Variants in TMEM108 observed in about 807,000 individuals in gnomAD.
TMEM108 encodes cancer/testis antigen 124.
In TMEM108, 12 loss-of-function variants were observed where a neutral mutation model predicts 35.1. The ratio of observed to expected loss-of-function variants is 0.34; its 90% CI spans 0.22 to 0.55. The LOEUF (loss-of-function observed/expected upper bound fraction) is 0.55. TMEM108 is among the 20% of genes least tolerant of loss of function. The pLI, the probability that TMEM108 is intolerant of heterozygous loss-of-function variation, is 0.89. For missense variants in TMEM108, 680 were observed against 753.3 expected (o/e 0.90, Z 1.14); for synonymous variants, 287 against 308.6 (o/e 0.93, Z 0.73).
At chr3:133,108,962 T>C (rs1944192895) in intron 2 of TMEM108, among the ~76,000 whole-genome samples, 1 of 152,106 alleles carries the variant, frequency 6.6e-6, no homozygotes, top group East Asian at 1.9e-4. Flanking sequence ...ATTGTGCACA[T>C]GTACCCTACA....
intron 2 of TMEM108, among the ~76,000 whole-genome samples, chr3:133,170,376 A>G (rs1167538970): frequency 2.0e-5 from 3 of 152,248 alleles, no homozygotes; most frequent in Non-Finnish European, 4.4e-5. Context: ...AAATTTTCTA[A>G]GATGCTACCT....
chr3:133,259,465 C>T (rs867605035), intron 3 of TMEM108, among the ~76,000 whole-genome samples: 9 of 152,140 alleles, frequency 5.9e-5, no homozygotes, highest in Non-Finnish European at 1.3e-4. Flanking sequence ...CGCATATTTA[C>T]GTAAGAGGTA....
At chr3:133,339,862 A>T (rs1310989890) in intron 3 of TMEM108, among the ~76,000 whole-genome samples, 1 of 151,892 alleles carries the variant, frequency 6.6e-6, no homozygotes, top group Non-Finnish European at 1.5e-5. Flanking sequence ...CAGTGGGTCA[A>T]TGAAGAAATC....
chr3:133,144,173 C>T (rs147969866), intron 2 of TMEM108, among the ~76,000 whole-genome samples: 4,254 of 152,006 alleles, frequency 0.028, 211 homozygotes, highest in African/African-American at 0.098. Context: ...CTCCCTGTGT[C>T]CATGTGTTCT....
chr3:133,043,081 A>G (rs1422701332), intron 1 of TMEM108, among the ~76,000 whole-genome samples: 1 of 152,226 alleles, frequency 6.6e-6, no homozygotes, highest in African/African-American at 2.4e-5. Context: ...TTTTCTGCAT[A>G]TGCTGTTTCC....
intron 2 of TMEM108, among the ~76,000 whole-genome samples, chr3:133,193,694 C>T (rs1383026226): frequency 6.6e-6 from 1 of 152,164 alleles, no homozygotes; most frequent in Non-Finnish European, 1.5e-5. Flanking sequence ...ACAATTCCAA[C>T]ATAGTACCCA....
intron 2 of TMEM108, among the ~76,000 whole-genome samples, chr3:133,120,630 T>C (rs1229428500): frequency 1.3e-5 from 2 of 152,176 alleles, no homozygotes; most frequent in African/African-American, 4.8e-5. Context: ...TTTGTTATAC[T>C]TCTGTCACAT....
intron 3 of TMEM108, among the ~76,000 whole-genome samples, chr3:133,251,252 AAAAC>A (rs1946465599): frequency 6.6e-6 from 1 of 152,208 alleles, no homozygotes; most frequent in Non-Finnish European, 1.5e-5. Context: ...AAAGTCAATT[AAAAC>A]AAACAAAATT....
At chr3:133,323,765 A>G (rs1237877728) in intron 3 of TMEM108, among the ~76,000 whole-genome samples, 1 of 152,200 alleles carries the variant, frequency 6.6e-6, no homozygotes, top group Non-Finnish European at 1.5e-5. Flanking sequence ...ACATTACCTG[A>G]CTTCAAACTA....
At chr3:133,345,609 A>G (rs539975082) in intron 3 of TMEM108, among the ~76,000 whole-genome samples, 14 of 151,962 alleles carry the variant, frequency 9.2e-5, no homozygotes, top group Non-Finnish European at 1.8e-4. Context: ...ATTATTATTC[A>G]AAGGAACATT....
chr3:133,043,568 C>A (rs968300642), intron 1 of TMEM108, among the ~76,000 whole-genome samples: 1 of 152,110 alleles, frequency 6.6e-6, no homozygotes, highest in Non-Finnish European at 1.5e-5. Context: ...AAAACACTTT[C>A]AAATTCATGT....
rs551468388 is a variant in TMEM108, at chr3:133,076,917, T to C, written c.-47+30897T>C. Among the ~76,000 whole-genome samples, 9 of 152,338 alleles carry C rather than the reference T, an allele frequency of 5.9e-5. No homozygotes were observed. The South Asian group carries it at 1.9e-3, about 32-fold the overall frequency. On this transcript the variant is annotated intron_variant, in intron 2 of 5. Transcript: ENST00000321871. ...GCCAACGAAAGGAAGAGAAATCAAG[T>C]GCAAGGCCAAGAAATCAGAATTCAG... is the stretch of plus-strand genomic sequence containing the variant.
At chr3:133,143,537 C>G (rs982420367) in intron 2 of TMEM108, among the ~76,000 whole-genome samples, 5 of 152,166 alleles carry the variant, frequency 3.3e-5, no homozygotes, top group Non-Finnish European at 7.4e-5. Context: ...TTGCATTAAT[C>G]TTTTCATTCC....
intron 2 of TMEM108, among the ~76,000 whole-genome samples, chr3:133,168,224 C>CA: frequency 6.6e-6 from 1 of 152,118 alleles, no homozygotes; most frequent in South Asian, 2.1e-4. Context: ...GTTGTGGGGG[C>CA]AAGTAGGATT....
chr3:133,237,414 A>C (rs1946254535), intron 3 of TMEM108, among the ~76,000 whole-genome samples: 1 of 152,062 alleles, frequency 6.6e-6, no homozygotes, highest in Admixed American at 6.5e-5. Context: ...TTTCTGGACC[A>C]TTTTAATAGT....
chr3:133,061,483 G>T (rs538870287), intron 2 of TMEM108, among the ~76,000 whole-genome samples: 1 of 152,012 alleles, frequency 6.6e-6, no homozygotes, highest in Non-Finnish European at 1.5e-5. Flanking sequence ...AAAGTGCTGG[G>T]ATTACAGGCA....
chr3:133,279,421 C>T (rs964842210), intron 3 of TMEM108, among the ~76,000 whole-genome samples: 7 of 152,210 alleles, frequency 4.6e-5, no homozygotes, highest in East Asian at 1.9e-4. Flanking sequence ...ACAGCCTGTC[C>T]GGTCTCCCTT....
intron 3 of TMEM108, among the ~76,000 whole-genome samples, chr3:133,233,964 T>C (rs1385285398): frequency 2.0e-4 from 29 of 144,266 alleles, no homozygotes; most frequent in African/African-American, 5.8e-4. Context: ...GAGTAGGTTG[T>C]GAAAATTTTC....
intron 3 of TMEM108, among the ~76,000 whole-genome samples, chr3:133,309,866 A>G (rs2071100409): frequency 3.3e-5 from 5 of 151,582 alleles, no homozygotes; most frequent in Admixed American, 1.3e-4. Context: ...ACGCCCGGCT[A>G]ATTTTTTGTA....
Sources: allele counts gnomAD v4.1 joint callset (sites outside exome capture counted in the v4.1 genomes callset), GRCh38; gene constraint gnomAD v4.1.1; transcripts MANE v1.5; gene names NCBI Gene and HGNC (gene_info 2026-07-23, HGNC 2026-07-21).